Variants in CCT3 observed in about 807,000 individuals in gnomAD.
The protein encoded by CCT3 is T-complex protein 1 subunit gamma.
In CCT3, 10 loss-of-function variants were observed where a neutral mutation model predicts 65.3. The observed-to-expected ratio is 0.15, with a 90% CI of 0.09 to 0.26. CCT3 has a LOEUF of 0.26. Among genes scored for constraint, CCT3 ranks in the 10% least tolerant of loss-of-function variants. The pLI is 1.00. For missense variants in CCT3, 626 were observed against 708.7 expected, an observed-to-expected ratio of 0.88 and a Z score of 1.33; for synonymous variants, 225 against 242.3, an observed-to-expected ratio of 0.93 and a Z score of 0.66.
chr1:156,335,070 C>T (rs2101678884), intron 2 of CCT3, 152 bp from the exon 3 acceptor site: 1 of 634,322 alleles, frequency 1.6e-6, no homozygotes, highest in South Asian at 2.3e-5. Context: ...GGGGTCTCAC[C>T]ATGTTGCTCG....
intron 1 of CCT3, among the ~76,000 whole-genome samples, chr1:156,336,490 A>G (rs1199495076): frequency 2.6e-5 from 4 of 152,186 alleles, no homozygotes; most frequent in Non-Finnish European, 5.9e-5. Context: ...AACACACTCA[A>G]CAGTTTGCAA....
intron 7 of CCT3, among the ~76,000 whole-genome samples, chr1:156,320,591 A>G (rs970060358): frequency 2.0e-5 from 3 of 152,074 alleles, no homozygotes; most frequent in Non-Finnish European, 4.4e-5. Flanking sequence ...ACAAAAAGAA[A>G]AAAAATTTGC....
At chr1:156,323,403 T>C (rs1664653415) in intron 6 of CCT3, among the ~76,000 whole-genome samples, 1 of 145,112 alleles carries the variant, frequency 6.9e-6, no homozygotes, top group Admixed American at 7.1e-5. Flanking sequence ...ATGAGTAGAA[T>C]ATTTAAATAA....
At chr1:156,324,234 A>G (rs1570926418) in intron 6 of CCT3, among the ~76,000 whole-genome samples, 1 of 149,530 alleles carries the variant, frequency 6.7e-6, no homozygotes, top group East Asian at 2.0e-4. Context: ...TGCCCAGCTA[A>G]TTTTCTGTAC....
intron 10 of CCT3, among the ~76,000 whole-genome samples, chr1:156,313,528 T>A (rs1193777146): frequency 6.6e-6 from 1 of 152,158 alleles, no homozygotes; most frequent in Non-Finnish European, 1.5e-5. Flanking sequence ...AGTTAGCCTG[T>A]CCCTTGGGCA....
intron 8 of CCT3, 77 bp from the exon 9 acceptor site, chr1:156,317,624 C>T: frequency 7.5e-7 from 1 of 1,342,180 alleles, no homozygotes; most frequent in African/African-American, 1.4e-5. Flanking sequence ...ATACTCCTTC[C>T]ACCCACCTCT....
chr1:156,315,197 T>A (rs1374532407), intron 10 of CCT3, among the ~76,000 whole-genome samples: 1 of 152,148 alleles, frequency 6.6e-6, no homozygotes, highest in East Asian at 1.9e-4. Flanking sequence ...GTAAATGTGT[T>A]ATCTCTTCCT....
intron 10 of CCT3, among the ~76,000 whole-genome samples, chr1:156,314,033 G>A (rs1050413162): frequency 1.4e-5 from 2 of 145,870 alleles, no homozygotes; most frequent in Non-Finnish European, 3.0e-5. Flanking sequence ...GGTGCAGTGA[G>A]CCAAGATCAC....
rs555217119 is a variant in CCT3 at position 156,318,980 on chromosome 1, C to T, written c.647G>A (p.Arg216His). ...CACATCCTTGTTAATCATGACTCCA[C>T]GCAAGACACAGGAGTCTTCAATGAT... ...GGIIEDSCVL[R>H]GVMINKDVTH... is the part of the protein sequence containing the mutation. The change falls in exon 8 of 14, where the codon CGT becomes CAT. Residue 216 changes from arginine (R) to histidine (H), a missense_variant. Transcript: ENST00000295688. 3.0e-5 allele frequency: 49 copies of T among 1,613,848 alleles called. No individual in the cohort carries two copies. Among genetic ancestry groups the T allele is most frequent in the East Asian group, 2.0e-4 (9 of 44,880 alleles).
At chr1:156,313,161 C>T (rs1040803224) in intron 10 of CCT3, among the ~76,000 whole-genome samples, 5 of 151,706 alleles carry the variant, frequency 3.3e-5, no homozygotes, top group Non-Finnish European at 7.4e-5. Context: ...CTGGTGAAAC[C>T]CCGCCTCTAC....
intron 5 of CCT3, 140 bp downstream of exon 5, chr1:156,333,406 AC>A: frequency 1.6e-6 from 1 of 642,244 alleles, no homozygotes; most frequent in Non-Finnish European, 2.8e-6. Flanking sequence ...TTTATACCCA[AC>A]TGGAGAGAAT....
In CCT3 at chr1:156,324,992, G is replaced by T. The variant is rs774567145; in HGVS notation, c.402C>A (p.Ile134=). The T allele has an allele frequency of 1.2e-6, 2 of 1,611,578 alleles. No individual in the cohort carries two copies. Among genetic ancestry groups the T allele is most frequent in the Non-Finnish European group, 1.7e-6 (2 of 1,177,982 alleles). The part of the protein sequence containing the change: ...SAYRKALDDM[I]STLKKISIPV... The stretch of plus-strand genomic sequence containing the variant: ...GATACCTTATTTTCTTTAGGGTGCT[G>T]ATCATATCATCCAATGCCTTGCGGT... Residue 134 remains isoleucine (I), a synonymous_variant, in exon 6 of 14, where the codon ATC becomes ATA. Coordinates refer to ENST00000295688, the MANE Select transcript of CCT3 (RefSeq NM_005998.5).
At chr1:156,330,975 T>C (rs1263470044) in intron 5 of CCT3, among the ~76,000 whole-genome samples, 1 of 151,980 alleles carries the variant, frequency 6.6e-6, no homozygotes, top group East Asian at 1.9e-4. Context: ...GCTCACAGCC[T>C]GTAATCCCAG....
Position 156,310,622 on chromosome 1 carries a change from A to G in CCT3, c.1469T>C (p.Met490Thr). The G allele has an allele frequency of 6.2e-7, 1 of 1,614,074 alleles. No individual in the cohort carries two copies. Among genetic ancestry groups the G allele is most frequent in the Non-Finnish European group, 8.5e-7 (1 of 1,179,928 alleles). ...VNGETGTLVD[M>T]KELGIWEPLA... ...TGGCTCCCATATGCCCAGTTCCTTC[A>G]TGTCCACCAAAGTACCCGTCTCACC... Residue 490 changes from methionine to threonine, a missense_variant, in exon 13 of 14, where the codon ATG becomes ACG. Met to Thr is a moderately conservative substitution (Grantham distance 81, BLOSUM62 -1). Transcript: ENST00000295688.
At chr1:156,330,194 T>A (rs1665048801) in intron 5 of CCT3, among the ~76,000 whole-genome samples, 1 of 151,998 alleles carries the variant, frequency 6.6e-6, no homozygotes, top group Non-Finnish European at 1.5e-5. Flanking sequence ...TTACAAAAAA[T>A]AAAAAATAAA....
At chr1:156,336,850 T>C (rs1001305265) in intron 1 of CCT3, among the ~76,000 whole-genome samples, 1 of 152,076 alleles carries the variant, frequency 6.6e-6, no homozygotes, top group Non-Finnish European at 1.5e-5. Flanking sequence ...CAGGGAGCTG[T>C]AACCAAAAAC....
Position 156,317,445 on chromosome 1 carries a change from C to A in CCT3, c.862G>T (p.Asp288Tyr), listed in dbSNP as rs771153078. The A allele has an allele frequency of 6.2e-7, 1 of 1,613,764 alleles. No homozygotes were observed. Among genetic ancestry groups the A allele is most frequent in the Non-Finnish European group, 8.5e-7 (1 of 1,179,714 alleles). ...LCEDIIQLKPDVVITEKGISD... is the reference protein window; with the variant it reads ...LCEDIIQLKPYVVITEKGISD... ...ATGCCCTTTTCAGTGATGACCACAT[C>A]GGGCTTCAGTTGGATAATGTCCTCA... The change falls in exon 9 of 14, where the codon GAT becomes TAT. Residue 288 changes from aspartate to tyrosine, a missense_variant. Physicochemically the swap from Asp to Tyr is radical, Grantham distance 160. Transcript: ENST00000295688.
intron 6 of CCT3, among the ~76,000 whole-genome samples, chr1:156,323,411 T>C (rs998584133): frequency 2.1e-5 from 3 of 140,856 alleles, no homozygotes; most frequent in African/African-American, 7.4e-5. Flanking sequence ...AATATTTAAA[T>C]AAAGAAAAAA....
chr1:156,328,172 G>T (rs1273655400), intron 5 of CCT3, among the ~76,000 whole-genome samples: 1 of 133,704 alleles, frequency 7.5e-6, no homozygotes, highest in Non-Finnish European at 1.7e-5. Flanking sequence ...CCTCTGCCCA[G>T]CCAGCCGCCC....
Sources: gnomAD v4.1 joint callset for allele counts (sites outside exome capture counted in the v4.1 genomes callset) on GRCh38, gnomAD v4.1.1 for gene constraint, MANE v1.5 for transcripts, NCBI Gene and HGNC (gene_info 2026-07-23, HGNC 2026-07-21) for gene names.